Variants in HSPA4 observed in about 807,000 individuals in gnomAD.
The protein encoded by HSPA4 is heat shock protein family A (Hsp70) member 4.
Under a neutral mutation model 106.2 loss-of-function variants are expected in HSPA4, and 25 were observed. That is an observed-to-expected ratio of 0.24 (90% CI 0.17 to 0.33). The LOEUF (loss-of-function observed/expected upper bound fraction) is 0.33. Among genes scored for constraint, HSPA4 ranks in the 10% least tolerant of loss-of-function variants. The pLI, the probability that HSPA4 is intolerant of heterozygous loss-of-function variation, is 1.00. For missense variants in HSPA4, 841 were observed against 996.0 expected (o/e 0.84, Z 2.10); for synonymous variants, 332 against 333.6 (o/e 1.00, Z 0.05).
chr5:133,056,887 C>G (rs950253598), intron 1 of HSPA4, among the ~76,000 whole-genome samples: 1 of 152,048 alleles, frequency 6.6e-6, no homozygotes, highest in Non-Finnish European at 1.5e-5. Flanking sequence ...ATAACTTATA[C>G]CTTTTTTTTT....
At chr5:133,082,449 T>C (rs529616867) in intron 7 of HSPA4, among the ~76,000 whole-genome samples, 1 of 152,286 alleles carries the variant, frequency 6.6e-6, no homozygotes, top group Non-Finnish European at 1.5e-5. Flanking sequence ...ATACTTTATT[T>C]TTATCTTTTT....
chr5:133,069,678 G>T (rs1765356962), intron 3 of HSPA4, among the ~76,000 whole-genome samples: 1 of 152,138 alleles, frequency 6.6e-6, no homozygotes, highest in African/African-American at 2.4e-5. Context: ...TTGTGGAGAT[G>T]GATAATAAAC....
intron 17 of HSPA4, among the ~76,000 whole-genome samples, chr5:133,103,162 A>G (rs1765810388): frequency 6.7e-6 from 1 of 149,658 alleles, no homozygotes; most frequent in African/African-American, 2.5e-5. Context: ...CCTGGGCTCA[A>G]GTGACTGTCC....
intron 1 of HSPA4, among the ~76,000 whole-genome samples, chr5:133,062,444 A>G (rs986052702): frequency 4.6e-5 from 7 of 152,208 alleles, no homozygotes; most frequent in African/African-American, 1.7e-4. Context: ...GAGGTGTGCC[A>G]ATTATTAGGC....
chr5:133,097,144 A>G lies in HSPA4; in HGVS notation c.1804-17A>G. On this transcript the variant is annotated splice_polypyrimidine_tract_variant and intron_variant, in intron 14 of 18. Coordinates refer to ENST00000304858, the MANE Select transcript of HSPA4 (RefSeq NM_002154.4). ...AGTTGTCCTAATGTCTGATTTATAC[A>G]TAATATTTATTCTCAGGGTAAGATG... is the stretch of plus-strand genomic sequence containing the variant. 4 of 1,600,458 alleles carry G rather than the reference A, an allele frequency of 2.5e-6. No individual in the cohort carries two copies. Among genetic ancestry groups the G allele is most frequent in the Non-Finnish European group, 3.4e-6 (4 of 1,168,542 alleles).
At chr5:133,052,496 C>A in intron 1 of HSPA4, 139 bp downstream of exon 1, 1 of 607,110 alleles carries the variant, frequency 1.6e-6, no homozygotes, top group Admixed American at 3.1e-5. Flanking sequence ...GTCAGGGACC[C>A]CCAGTAGGTA....
chr5:133,080,440 A>C (rs1029306117), intron 7 of HSPA4, among the ~76,000 whole-genome samples: 3 of 148,346 alleles, frequency 2.0e-5, no homozygotes, highest in Non-Finnish European at 4.5e-5. Flanking sequence ...AAAAAAAAAA[A>C]ACCCAATAAT....
intron 1 of HSPA4, among the ~76,000 whole-genome samples, chr5:133,056,880 A>C (rs1298764777): frequency 6.6e-6 from 1 of 152,154 alleles, no homozygotes; most frequent in Non-Finnish European, 1.5e-5. Context: ...TAAAACTATA[A>C]CTTATACCTT....
intron 15 of HSPA4, 29 bp from the exon 16 acceptor site, chr5:133,099,516 C>T: frequency 8.5e-7 from 1 of 1,170,932 alleles, no homozygotes; most frequent in East Asian, 2.4e-5. Flanking sequence ...TTTTGATTGA[C>T]CTAATTATAA....
rs150305321 is a variant in HSPA4 at position 133,097,268 on chromosome 5, G to A, written c.1911G>A (p.Glu637=). The A allele has an allele frequency of 3.5e-4, 571 of 1,612,970 alleles. No individual in the cohort carries two copies. Among genetic ancestry groups the A allele is most frequent in the Non-Finnish European group, 4.4e-4 (520 of 1,179,218 alleles). The change falls in exon 15 of 19, where the codon GAG becomes GAA. Residue 637 remains glutamate (E), a synonymous_variant. Coordinates refer to ENST00000304858, the MANE Select transcript of HSPA4 (RefSeq NM_002154.4). ...GAGACAAGCTTAGTGGTGAATATGA[G>A]AAGTTTGTGAGTGAAGATGTAAGTC... The part of the protein sequence containing the change: ...EMRDKLSGEY[E]KFVSEDDRNS...
At position 133,076,865 on chromosome 5, in the gene HSPA4, T is replaced by C; in HGVS notation, c.875T>C (p.Met292Thr). The C allele has an allele frequency of 6.2e-7, 1 of 1,611,790 alleles. No individual in the cohort carries two copies. The highest frequency in any genetic ancestry group is 1.7e-4 in the Middle Eastern group (1 of 6,052). ...CTCCCTTTGAGCATTGAATGTTTTA[T>C]GAATGATGTTGATGTATCTGGAACT... is the stretch of plus-strand genomic sequence containing the variant. ...SDLPLSIECFMNDVDVSGTMN... is the reference protein window; with the variant it reads ...SDLPLSIECFTNDVDVSGTMN... Residue 292 changes from methionine (M) to threonine (T), a missense_variant, in exon 7 of 19, where the codon ATG becomes ACG. Physicochemically the swap from Met to Thr is moderately conservative, Grantham distance 81. Around this residue, in one of 5 missense-constraint regions of HSPA4, gnomAD observed 347 missense variants for 408.7 expected, o/e 0.85. Coordinates refer to ENST00000304858, the MANE Select transcript of HSPA4 (RefSeq NM_002154.4).
chr5:133,086,730 G>A lies in HSPA4; in HGVS notation c.909-52G>A, dbSNP rs1411894419. On this transcript the variant is annotated intron_variant, in intron 7 of 18. Transcript: ENST00000304858. ...TTATAGCCATCCATTCCACATAAAA[G>A]TGGCATGTGATTTAATGTACTGTGT... is the stretch of plus-strand genomic sequence containing the variant. The A allele has an allele frequency of 7.1e-6, 9 of 1,264,982 alleles. No individual in the cohort carries two copies. In the East Asian group the frequency reaches 1.9e-4, roughly 26 times the overall value. The allele number at this position is 1,264,982 out of a possible 1,614,324, so 78.4% of individuals were successfully genotyped here. A position where few individuals can be genotyped will look rare whatever the true frequency, so the allele number is the denominator to read the frequency against.
At chr5:133,078,968 A>C (rs1023567666) in intron 7 of HSPA4, among the ~76,000 whole-genome samples, 1 of 152,150 alleles carries the variant, frequency 6.6e-6, no homozygotes, top group African/African-American at 2.4e-5. Flanking sequence ...TTCTGGACTC[A>C]AGTGATCTGC....
At chr5:133,069,621 G>C (rs545833827) in intron 3 of HSPA4, among the ~76,000 whole-genome samples, 2 of 152,192 alleles carry the variant, frequency 1.3e-5, no homozygotes, top group Non-Finnish European at 2.9e-5. Context: ...AGCTATGGCA[G>C]TGAACAATCA....
At chr5:133,103,759 T>G (rs1291425539) in intron 17 of HSPA4, 106 bp from the exon 18 acceptor site, 1 of 901,236 alleles carries the variant, frequency 1.1e-6, no homozygotes, top group Non-Finnish European at 1.7e-6. Flanking sequence ...ATGCTTTATT[T>G]TTTGAAAGAT....
intron 1 of HSPA4, among the ~76,000 whole-genome samples, chr5:133,064,493 G>A (rs577001830): frequency 1.3e-5 from 2 of 150,346 alleles, no homozygotes; most frequent in South Asian, 4.2e-4. Context: ...GCAACAGAGT[G>A]AGACTCTTGG....
intron 7 of HSPA4, among the ~76,000 whole-genome samples, chr5:133,079,381 T>C (rs1249892670): frequency 6.6e-6 from 1 of 152,232 alleles, no homozygotes; most frequent in Non-Finnish European, 1.5e-5. Flanking sequence ...TTCATATAAG[T>C]GTAATCATGT....
Position 133,096,161 on chromosome 5 carries a change from G to C in HSPA4, c.1714G>C (p.Val572Leu). Residue 572 changes from valine to leucine, a missense_variant, in exon 14 of 19, where the codon GTG becomes CTG. By Grantham distance (32) the Val-to-Leu change is conservative. Transcript: ENST00000304858. ...ACCACCCCAAGCCAAGAAGGCAAAA[G>C]TGAAGACCAGTACTGTGGACCTGCC... ...DQPPQAKKAK[V>L]KTSTVDLPIE... 6.2e-7 allele frequency: 1 copy of C among 1,614,038 alleles called. No individual in the cohort carries two copies. Among genetic ancestry groups the C allele is most frequent in the Non-Finnish European group, 8.5e-7 (1 of 1,179,942 alleles).
In HSPA4 at chr5:133,096,290, TTAA is replaced by T. The variant is rs763448703; in HGVS notation, c.1803+42_1803+44del. The T allele has an allele frequency of 2.5e-6, 4 of 1,571,286 alleles. No individual in the cohort carries two copies. The Admixed American group carries it at 6.8e-5, about 27-fold the overall frequency. ...TCTATTGGAACAATGAGCTAACAAATTAATGTTACCATAGTATTCAGACTCTGT... is the reference window on the plus strand; with the variant it reads ...TCTATTGGAACAATGAGCTAACAAATTGTTACCATAGTATTCAGACTCTGT... On this transcript the variant is annotated intron_variant, in intron 14 of 18. Coordinates refer to ENST00000304858, the MANE Select transcript of HSPA4 (RefSeq NM_002154.4).
Sources: gnomAD v4.1 joint callset for allele counts (sites outside exome capture counted in the v4.1 genomes callset) on GRCh38, gnomAD v4.1.1 for gene constraint, gnomAD v4.1.1 regional missense constraint, MANE v1.5 for transcripts, NCBI Gene and HGNC (gene_info 2026-07-23, HGNC 2026-07-21) for gene names.